Variants in PPP4R2 observed in about 807,000 individuals in gnomAD.
PPP4R2 encodes the protein protein phosphatase 4 regulatory subunit 2, also known as serine/threonine-protein phosphatase 4 regulatory subunit 2.
Under a neutral mutation model 47.2 loss-of-function variants are expected in PPP4R2, and 13 were observed. That is an observed-to-expected ratio of 0.28 (90% CI 0.18 to 0.44). PPP4R2 has a LOEUF of 0.44. Ranked by LOEUF, PPP4R2 falls within the 20% of genes least tolerant of loss-of-function variation. The pLI, the probability that PPP4R2 is intolerant of heterozygous loss-of-function variation, is 1.00. For synonymous variants in PPP4R2, 151 were observed against 163.3 expected, an observed-to-expected ratio of 0.92 and a Z score of 0.57; for missense variants, 421 against 491.2, an observed-to-expected ratio of 0.86 and a Z score of 1.35.
intron 2 of PPP4R2, among the ~76,000 whole-genome samples, chr3:73,001,431 G>T (rs1025034053): frequency 6.6e-6 from 1 of 151,432 alleles, no homozygotes; most frequent in African/African-American, 2.4e-5. Flanking sequence ...TAACGTGGTG[G>T]CATGCGCCTG....
chr3:73,018,416 A>ATGTTT (rs1701886291), intron 2 of PPP4R2, among the ~76,000 whole-genome samples: 1 of 93,148 alleles, frequency 1.1e-5, no homozygotes, highest in African/African-American at 4.8e-5. Flanking sequence ...TCGTTATGTT[A>ATGTTT]TGTTATGTTA....
intron 3 of PPP4R2, among the ~76,000 whole-genome samples, chr3:73,047,727 T>C (rs1044141306): frequency 6.6e-6 from 1 of 151,332 alleles, no homozygotes; most frequent in Non-Finnish European, 1.5e-5. Flanking sequence ...TTTTAGTGAG[T>C]TTTTGTTTAG....
intron 2 of PPP4R2, among the ~76,000 whole-genome samples, chr3:72,999,220 T>C (rs961703823): frequency 1.3e-5 from 2 of 152,232 alleles, no homozygotes; most frequent in Non-Finnish European, 2.9e-5. Flanking sequence ...GTTGTATTTC[T>C]ATTTATTACA....
chr3:73,064,794 G>A (rs1220793735), intron 7 of PPP4R2, 58 bp from the exon 8 acceptor site: 9 of 1,375,826 alleles, frequency 6.5e-6, no homozygotes, highest in Non-Finnish European at 8.9e-6. Context: ...TTAAAAATGG[G>A]GATGTAGAAG....
intron 2 of PPP4R2, among the ~76,000 whole-genome samples, chr3:73,039,986 G>T (rs529180420): frequency 6.6e-6 from 1 of 152,112 alleles, no homozygotes; most frequent in Admixed American, 6.5e-5. Context: ...CCAGGGAGGC[G>T]GAGGTTGTAG....
At chr3:73,006,858 C>T (rs1445904629) in intron 2 of PPP4R2, among the ~76,000 whole-genome samples, 6 of 152,172 alleles carry the variant, frequency 3.9e-5, no homozygotes, top group African/African-American at 1.2e-4. Context: ...TGTTCCTAGG[C>T]CTTTGAAATA....
At position 73,002,629 on chromosome 3, in the gene PPP4R2, CTTTTCTTTTTTTTTTTT is replaced by C. The variant is rs1172144378; in HGVS notation, c.116+4476_116+4492del. On this transcript the variant is annotated intron_variant, in intron 2 of 8. Coordinates refer to ENST00000356692, the MANE Select transcript of PPP4R2 (RefSeq NM_174907.4). ...TTTTTCTTTTCTTTTCTTTTCTTTT[CTTTTCTTTTTTTTTTTT>C]TTTTTTTTTTTTTGAGACGGAGTCT... is the stretch of plus-strand genomic sequence containing the variant. Among the ~76,000 whole-genome samples the C allele has an allele frequency of 2.0e-3, 167 of 83,012 alleles. 1 individual carries two copies. Among genetic ancestry groups the C allele is most frequent in the African/African-American group, 8.7e-3 (158 of 18,104 alleles). The allele number at this position is 83,012 out of a possible 152,430, so 54.5% of individuals were successfully genotyped here.
chr3:73,010,702 G>A (rs1454555724), intron 2 of PPP4R2, among the ~76,000 whole-genome samples: 8 of 152,068 alleles, frequency 5.3e-5, no homozygotes, highest in African/African-American at 1.7e-4. Flanking sequence ...GGGATTACAG[G>A]CGCCCATCAC....
chr3:73,007,249 T>C (rs1367548305), intron 2 of PPP4R2, among the ~76,000 whole-genome samples: 1 of 152,218 alleles, frequency 6.6e-6, no homozygotes, highest in Non-Finnish European at 1.5e-5. Context: ...GTTATGTTGT[T>C]GATAATGCAT....
intron 3 of PPP4R2, among the ~76,000 whole-genome samples, chr3:73,052,258 G>A (rs977784454): frequency 1.6e-5 from 1 of 63,980 alleles, no homozygotes; most frequent in African/African-American, 7.0e-5. Flanking sequence ...TTTTTTTTTT[G>A]GTCATTTTCT....
At chr3:73,053,875 C>G (rs1266674612) in intron 3 of PPP4R2, among the ~76,000 whole-genome samples, 6 of 141,926 alleles carry the variant, frequency 4.2e-5, no homozygotes, top group Non-Finnish European at 6.0e-5. Context: ...TGCCACTGCA[C>G]TCCAGCGTGG....
intron 3 of PPP4R2, among the ~76,000 whole-genome samples, chr3:73,057,217 T>C (rs1702747423): frequency 6.6e-6 from 1 of 152,218 alleles, no homozygotes; most frequent in East Asian, 1.9e-4. Flanking sequence ...ATGTGGAAAA[T>C]GCTTAAACAT....
At chr3:73,062,678 T>G (rs1220413223) in intron 5 of PPP4R2, 1 of 1,613,882 alleles carries the variant, frequency 6.2e-7, no homozygotes, top group Non-Finnish European at 8.5e-7. Context: ...GATCAAGTGA[T>G]AAGATTTGCA....
chr3:73,007,363 T>C (rs1447454871), intron 2 of PPP4R2, among the ~76,000 whole-genome samples: 2 of 152,336 alleles, frequency 1.3e-5, no homozygotes, highest in Non-Finnish European at 1.5e-5. Flanking sequence ...AAAGTAGTTA[T>C]CGACAACTAA....
Position 73,005,893 on chromosome 3 carries a change from C to T in PPP4R2, c.116+7735C>T, listed in dbSNP as rs190774655. Among the ~76,000 whole-genome samples the T allele has an allele frequency of 1.6e-3, 235 of 150,722 alleles. 1 individual carries two copies. Among genetic ancestry groups the T allele is most frequent in the Non-Finnish European group, 3.0e-3 (200 of 67,774 alleles). ...TGACATACAATACACTGTATTTATT[C>T]GAAATGTACAGGTTGCTAAGTTTTC... On this transcript the variant is annotated intron_variant, in intron 2 of 8. Transcript: ENST00000356692.
At chr3:73,062,621 A>G (rs1053014590) in intron 5 of PPP4R2, 1 of 1,614,032 alleles carries the variant, frequency 6.2e-7, no homozygotes, top group Non-Finnish European at 8.5e-7. Context: ...TTGAGAAGTC[A>G]TCAGTTCTCC....
chr3:73,041,987 C>CGAAA (rs1702388924), intron 2 of PPP4R2, among the ~76,000 whole-genome samples: 1 of 151,988 alleles, frequency 6.6e-6, no homozygotes, highest in African/African-American at 2.4e-5. Context: ...ATTGTACTTT[C>CGAAA]CTACAGGAGA....
chr3:73,040,725 C>T (rs1193491694), intron 2 of PPP4R2, among the ~76,000 whole-genome samples: 1 of 152,054 alleles, frequency 6.6e-6, no homozygotes, highest in Non-Finnish European at 1.5e-5. Context: ...GTTGGCCGGG[C>T]TGGTCTTGAA....
chr3:73,036,207 G>A (rs756991034), intron 2 of PPP4R2, among the ~76,000 whole-genome samples: 14 of 152,276 alleles, frequency 9.2e-5, no homozygotes, highest in Non-Finnish European at 1.8e-4. Flanking sequence ...TGATCTTAAC[G>A]GAGGTAGAGA....
Sources: allele counts gnomAD v4.1 joint callset (sites outside exome capture counted in the v4.1 genomes callset), GRCh38; gene constraint gnomAD v4.1.1; transcripts MANE v1.5; gene names NCBI Gene and HGNC (gene_info 2026-07-23, HGNC 2026-07-21).